The following PKD1L1 variants were observed in gnomAD, a reference collection of about 807,000 sequenced individuals.
PKD1L1 encodes the protein polycystin 1 like 1, transient receptor potential channel interacting.
A neutral mutation model predicts 323.4 loss-of-function variants in PKD1L1; 236 were observed. The observed-to-expected ratio is 0.73, with a 90% CI of 0.66 to 0.81. PKD1L1 has a LOEUF of 0.81. Ranked by LOEUF, PKD1L1 falls within the 40% of genes least tolerant of loss-of-function variation. The probability of loss-of-function intolerance (pLI) is 0.00; values close to 1 mark genes in which losing one functional copy is unlikely to be tolerated. For missense variants in PKD1L1, 3,320 were observed against 3,508.0 expected, an observed-to-expected ratio of 0.95 and a Z score of 1.35; for synonymous variants, 1,344 against 1,335.0, an observed-to-expected ratio of 1.01 and a Z score of -0.15.
In PKD1L1 at chr7:47,814,037, G is replaced by A. The variant is rs375716589; in HGVS notation, c.7090-23C>T. 68 of 1,603,540 alleles carry A rather than the reference G, an allele frequency of 4.2e-5. 1 individual carries two copies. The African/African-American group carries it at 8.2e-4, about 19-fold the overall frequency. Reference sequence around the variant, plus strand: ...AGGCTGAAAGGAGAAAAAAGATGATGAGGACTGGGTGTGCTGTGGACTTCA... The same window carrying A: ...AGGCTGAAAGGAGAAAAAAGATGATAAGGACTGGGTGTGCTGTGGACTTCA... On this transcript the variant is annotated intron_variant, in intron 47 of 56. Transcript: ENST00000289672.
rs773226750 is a variant in PKD1L1, at chr7:47,831,223, G to T, written c.6467C>A (p.Ala2156Asp). The T allele has an allele frequency of 6.2e-7, 1 of 1,613,626 alleles. No individual in the cohort carries two copies. The highest frequency in any genetic ancestry group is 1.1e-5 in the South Asian group (1 of 90,986). Residue 2156 changes from alanine to aspartate, a missense_variant, in exon 42 of 57, where the codon GCC becomes GAC. Ala to Asp is a moderately radical substitution (Grantham distance 126, BLOSUM62 -2). Coordinates refer to ENST00000289672, the MANE Select transcript of PKD1L1 (RefSeq NM_138295.5). ...LACSLGTGFLAYRFGQEQCVQ... is the reference protein window; with the variant it reads ...LACSLGTGFLDYRFGQEQCVQ... ...GAAAAACTCTACAGCTCACCTGTAG[G>T]CTAGAAATCCTGTCCCCAAACTGCA...
At chr7:47,899,484 C>T (rs1187194846) in intron 13 of PKD1L1, among the ~76,000 whole-genome samples, 3 of 152,132 alleles carry the variant, frequency 2.0e-5, no homozygotes, top group Non-Finnish European at 2.9e-5. Context: ...CTTTCTGAAG[C>T]CCCTCCACAC....
rs187394607 is a variant in PKD1L1 at position 47,875,707 on chromosome 7, T to G, written c.3784+390A>C. Among the ~76,000 whole-genome samples, 4 of 152,332 alleles carry G rather than the reference T, an allele frequency of 2.6e-5. No individual in the cohort carries two copies. In the South Asian group the frequency reaches 6.2e-4, roughly 24 times the overall value. On this transcript the variant is annotated intron_variant, in intron 23 of 56. Coordinates refer to ENST00000289672, the MANE Select transcript of PKD1L1 (RefSeq NM_138295.5). ...ACTAACATGCTAACTCACATTCATTTACCCCACATTTTGTTCCTTAGGGGG... is the reference window on the plus strand; with the variant it reads ...ACTAACATGCTAACTCACATTCATTGACCCCACATTTTGTTCCTTAGGGGG...
chr7:47,813,518 T>C, intron 48 of PKD1L1: 1 of 700,724 alleles, frequency 1.4e-6, no homozygotes, highest in South Asian at 1.5e-5. Flanking sequence ...CTGAGCTGTG[T>C]ATGGTTCTAA....
At chr7:47,833,433 T>A (rs900035483) in intron 40 of PKD1L1, among the ~76,000 whole-genome samples, 181 bp from the exon 41 acceptor site, 1 of 152,188 alleles carries the variant, frequency 6.6e-6, no homozygotes, top group African/African-American at 2.4e-5. Flanking sequence ...AGCCGGCTCC[T>A]TTGTACCCCT....
chr7:47,804,926 C>T (rs1400570751), intron 52 of PKD1L1, among the ~76,000 whole-genome samples: 1 of 152,086 alleles, frequency 6.6e-6, no homozygotes, highest in Non-Finnish European at 1.5e-5. Flanking sequence ...CGGCTATAAA[C>T]CTCCTGTGGA....
chr7:47,794,377 C>T (rs10231581), intron 55 of PKD1L1, among the ~76,000 whole-genome samples: 107,418 of 152,006 alleles, frequency 0.71, 38,245 homozygotes, highest in Non-Finnish European at 0.75. Flanking sequence ...CAGCCATGGC[C>T]GAAAGGGGCC....
At chr7:47,921,238 C>CAAAAAAAAAAAAA (rs139205889) in intron 7 of PKD1L1, among the ~76,000 whole-genome samples, 11 of 79,562 alleles carry the variant, frequency 1.4e-4, no homozygotes, top group African/African-American at 3.1e-4. Context: ...AGACAATTCT[C>CAAAAAAAAAAAAA]AAAAAAAAAA....
In PKD1L1 at chr7:47,834,360, T is replaced by C; in HGVS notation, c.6153A>G (p.Pro2051=). 6.2e-7 allele frequency: 1 copy of C among 1,614,080 alleles called. No individual in the cohort carries two copies. Among genetic ancestry groups the C allele is most frequent in the Non-Finnish European group, 8.5e-7 (1 of 1,179,918 alleles). Residue 2051 remains proline, a synonymous_variant, in exon 40 of 57, where the codon CCA becomes CCG. Transcript: ENST00000289672. ...PHGPNSWGRI[P]DAQEPRKQPA... is the part of the protein sequence containing the mutation. Reference sequence around the variant, plus strand: ...TTACCTTGCGTGGCTCCTGTGCGTCTGGTATCCTTCCCCAGGAATTAGGAC... The same window carrying C: ...TTACCTTGCGTGGCTCCTGTGCGTCCGGTATCCTTCCCCAGGAATTAGGAC...
rs1784520408 is a variant in PKD1L1 at position 47,796,077 on chromosome 7, T to A, written c.8267A>T (p.Asp2756Val). ...CTTTTCCCACATATAAGCAGTGACA[T>A]CTTTAAGTCTCACAAAAGATTTACT... ...FQSKSFVRLK[D>V]VTAYMWEKVL... The change falls in exon 55 of 57, where the codon GAT becomes GTT. Residue 2756 changes from aspartate to valine, a missense_variant. Coordinates refer to ENST00000289672, the MANE Select transcript of PKD1L1 (RefSeq NM_138295.5). 1 of 1,611,516 alleles carries A rather than the reference T, an allele frequency of 6.2e-7. No homozygotes were observed. The highest frequency in any genetic ancestry group is 8.5e-7 in the Non-Finnish European group (1 of 1,178,402).
chr7:47,868,801 G>A (rs1786222883), intron 24 of PKD1L1, among the ~76,000 whole-genome samples: 1 of 152,210 alleles, frequency 6.6e-6, no homozygotes, highest in Non-Finnish European at 1.5e-5. Context: ...CTTGAACCCA[G>A]GAGGCGGAGG....
At position 47,877,554 on chromosome 7, in the gene PKD1L1, C is replaced by T. The variant is rs1284450773; in HGVS notation, c.3598G>A (p.Val1200Met). 1.2e-6 allele frequency: 2 copies of T among 1,614,062 alleles called. No homozygotes were observed. The highest frequency in any genetic ancestry group is 3.3e-5 in the Admixed American group (2 of 60,018). The change falls in exon 22 of 57, where the codon GTG becomes ATG. Residue 1200 changes from valine to methionine, a missense_variant. Physicochemically the swap from Val to Met is conservative, Grantham distance 21. Coordinates refer to ENST00000289672, the MANE Select transcript of PKD1L1 (RefSeq NM_138295.5). Reference protein sequence around the residue: ...NPAPRDMACQVQPHHGLEAHT... With the variant: ...NPAPRDMACQMQPHHGLEAHT... The stretch of plus-strand genomic sequence containing the variant: ...GCTTCCAGACCATGGTGGGGCTGCA[C>T]CTGACAGGCCATGTCCCGAGGAGCC...
chr7:47,928,447 G>A (rs973902165), intron 7 of PKD1L1, among the ~76,000 whole-genome samples: 1 of 152,124 alleles, frequency 6.6e-6, no homozygotes, highest in Non-Finnish European at 1.5e-5. Context: ...GTGCACACCT[G>A]TAATCCCAGC....
intron 12 of PKD1L1, among the ~76,000 whole-genome samples, chr7:47,903,487 CA>C (rs1385921777): frequency 6.6e-5 from 10 of 152,192 alleles, no homozygotes; most frequent in Non-Finnish European, 1.3e-4. Context: ...CACTACTGCT[CA>C]ATTCTTTCCT....
the PKD1L1 span, among the ~76,000 whole-genome samples, chr7:47,957,858 A>ATATATATATATATATATAT: frequency 7.5e-4 from 36 of 48,150 alleles, no homozygotes; most frequent in Middle Eastern, 0.023. Context: ...TACAATTAAA[A>ATATATATATATATATATAT]AAAAATATAT....
intron 21 of PKD1L1, 111 bp from the exon 22 acceptor site, chr7:47,877,742 C>A: frequency 7.8e-7 from 1 of 1,275,730 alleles, no homozygotes; most frequent in Non-Finnish European, 1.1e-6. Context: ...GTAGGGTCCC[C>A]AGACCAGCAG....
intron 45 of PKD1L1, among the ~76,000 whole-genome samples, chr7:47,826,271 TGG>T (rs1301501096): frequency 1.3e-5 from 2 of 152,140 alleles, no homozygotes; most frequent in African/African-American, 4.8e-5. Context: ...GTGTGTGTGG[TGG>T]GGGCCATCTC....
chr7:47,846,837 A>G (rs1300596351), intron 32 of PKD1L1, 42 bp downstream of exon 32: 3 of 1,556,442 alleles, frequency 1.9e-6, no homozygotes, highest in African/African-American at 2.7e-5. Context: ...CAAGGCAGTC[A>G]TTTACTAAAA....
intron 7 of PKD1L1, among the ~76,000 whole-genome samples, chr7:47,925,427 AG>A (rs1175009876): frequency 6.6e-6 from 1 of 152,240 alleles, no homozygotes; most frequent in Non-Finnish European, 1.5e-5. Context: ...GGACAGGAAC[AG>A]GGCAGTTCAT....
Sources: allele counts gnomAD v4.1 joint callset (sites outside exome capture counted in the v4.1 genomes callset), GRCh38; gene constraint gnomAD v4.1.1; transcripts MANE v1.5; gene names NCBI Gene and HGNC (gene_info 2026-07-23, HGNC 2026-07-21).